SH2D7: variants seen among roughly 807,000 people sequenced by gnomAD.
SH2D7 encodes SH2 domain-containing protein 7.
SH2D7 carries 32 observed loss-of-function variants against 40.8 expected under a neutral mutation model. The observed-to-expected ratio is 0.78, with a 90% CI of 0.59 to 1.05. The LOEUF (loss-of-function observed/expected upper bound fraction) is 1.05. Among genes scored for constraint, SH2D7 ranks in the 50% least tolerant of loss-of-function variants. The pLI, the probability that SH2D7 is intolerant of heterozygous loss-of-function variation, is 0.00. For synonymous variants in SH2D7, 195 were observed against 221.5 expected (o/e 0.88, Z 1.06); for missense variants, 559 against 566.6 (o/e 0.99, Z 0.14).
At chr15:78,096,497 AATTTT>A (rs1218470963) in intron 2 of SH2D7, among the ~76,000 whole-genome samples, 3 of 151,936 alleles carry the variant, frequency 2.0e-5, no homozygotes, top group East Asian at 1.9e-4. Flanking sequence ...ACATTGCAAT[AATTTT>A]ATTTTATTTT....
At chr15:78,095,233 G>A (rs1184514086) in intron 2 of SH2D7, among the ~76,000 whole-genome samples, 1 of 152,194 alleles carries the variant, frequency 6.6e-6, no homozygotes, top group African/African-American at 2.4e-5. Flanking sequence ...ATGTAGTAAG[G>A]ACTTTAAATA....
rs2073992228 is a variant in SH2D7, at chr15:78,098,692, C to G, written c.645+96C>G. 4 of 1,395,624 alleles carry G rather than the reference C, an allele frequency of 2.9e-6. No individual in the cohort carries two copies. In the African/African-American group the frequency reaches 4.3e-5, roughly 15 times the overall value. 86.5% of individuals were successfully genotyped at this position (1,395,624 alleles called of 1,614,324 possible). ...AGACCCTGAGGCCAGGCCAGCCACT[C>G]CCTCCGGCTGTGGAGGGTGAGCCAG... On this transcript the variant is annotated intron_variant, in intron 4 of 5. Transcript: ENST00000328828.
chr15:78,095,881 C>T (rs1164563074), intron 2 of SH2D7, among the ~76,000 whole-genome samples: 1 of 151,886 alleles, frequency 6.6e-6, no homozygotes, highest in Non-Finnish European at 1.5e-5. Context: ...CTCGCTCTCT[C>T]GCTCTGGCTG....
rs540569731 is a variant in SH2D7 at position 78,100,496 on chromosome 15, G to A, written c.646-403G>A. Among the ~76,000 whole-genome samples the A allele has an allele frequency of 5.3e-5, 8 of 152,252 alleles. No homozygotes were observed. In the East Asian group the frequency reaches 9.7e-4, roughly 18 times the overall value. On this transcript the variant is annotated intron_variant, in intron 4 of 5. Transcript: ENST00000328828. ...GTGGATCACCTGAGGTCAGGAGTTC[G>A]AGACCAGCCTGGCCAACTTGGGGAA...
At chr15:78,096,004 A>G (rs2073970050) in intron 2 of SH2D7, among the ~76,000 whole-genome samples, 1 of 152,000 alleles carries the variant, frequency 6.6e-6, no homozygotes, top group Non-Finnish European at 1.5e-5. Flanking sequence ...CACCACACCC[A>G]GCTAATTTTT....
upstream of SH2D7, chr15:78,092,502 C>A (rs1018473272): frequency 2.1e-6 from 3 of 1,440,026 alleles, no homozygotes; most frequent in Non-Finnish European, 1.8e-6. Flanking sequence ...AGGGCACGGG[C>A]TCAGGCAAAT....
intron 4 of SH2D7, among the ~76,000 whole-genome samples, chr15:78,099,179 T>C (rs1043642148): frequency 3.3e-5 from 5 of 151,642 alleles, no homozygotes; most frequent in African/African-American, 1.2e-4. Context: ...ACCACACCCG[T>C]CTAATTTTTG....
intron 1 of SH2D7, 143 bp downstream of exon 1, chr15:78,092,903 A>G: frequency 1.8e-6 from 2 of 1,110,104 alleles, no homozygotes; most frequent in Non-Finnish European, 2.5e-6. Context: ...GCAGGGGAAC[A>G]GACTGAGGAG....
Position 78,100,930 on chromosome 15 carries a change from A to T in SH2D7, c.677A>T (p.Lys226Met), listed in dbSNP as rs1287991154. The change falls in exon 5 of 6, where the codon AAG (lysine) becomes ATG (methionine). Residue 226 changes from lysine to methionine, a missense_variant. By Grantham distance (95) the Lys-to-Met change is moderately conservative. Coordinates refer to ENST00000328828, the MANE Select transcript of SH2D7 (RefSeq NM_001101404.2). ...ATCAGAGTGTCTCCACTCCCTGAGA[A>T]GAGTTCCTCCCTCCTGGAAGAGTCT... ...APIRVSPLPE[K>M]SSSLLEESFG... 4 of 1,613,702 alleles carry T rather than the reference A, an allele frequency of 2.5e-6. No homozygotes were observed. The highest frequency in any genetic ancestry group is 3.4e-6 in the Non-Finnish European group (4 of 1,179,884).
At chr15:78,094,999 G>C (rs1337561384) in intron 2 of SH2D7, among the ~76,000 whole-genome samples, 1 of 152,184 alleles carries the variant, frequency 6.6e-6, no homozygotes. Flanking sequence ...AGGGAGGGAG[G>C]CCAGGGCTCC....
intron 5 of SH2D7, 76 bp from the exon 6 acceptor site, chr15:78,103,389 G>A (rs1177334428): frequency 6.6e-7 from 1 of 1,524,728 alleles, no homozygotes; most frequent in Non-Finnish European, 8.9e-7. Flanking sequence ...CAAGGTCAAT[G>A]AGGGGTCCTC....
At chr15:78,103,080 T>C (rs1450101126) in intron 5 of SH2D7, among the ~76,000 whole-genome samples, 5 of 152,042 alleles carry the variant, frequency 3.3e-5, no homozygotes, top group African/African-American at 9.7e-5. Flanking sequence ...GGCTGCCCCA[T>C]GTCCTCTCCC....
rs748563057 is a variant in SH2D7 at position 78,097,976 on chromosome 15, G to A, written c.314G>A (p.Arg105Gln). 19 of 1,611,064 alleles carry A rather than the reference G, an allele frequency of 1.2e-5. No individual in the cohort carries two copies. Among genetic ancestry groups the A allele is most frequent in the South Asian group, 4.4e-5 (4 of 90,622 alleles). The part of the protein sequence containing the change: ...RHFVINQLRN[R>Q]RYIISGDTQS... ...TTTGTCATCAACCAGCTTCGAAACC[G>A]GCGTTACATCATCTCAGGAGACACC... Residue 105 changes from arginine to glutamine, a missense_variant, in exon 3 of 6, where the codon CGG (arginine) becomes CAG (glutamine). Coordinates refer to ENST00000328828, the MANE Select transcript of SH2D7 (RefSeq NM_001101404.2).
At chr15:78,098,701 T>A in intron 4 of SH2D7, 105 bp downstream of exon 4, 1 of 1,324,888 alleles carries the variant, frequency 7.5e-7, no homozygotes, top group Non-Finnish European at 1.0e-6. Context: ...TCCCTCCGGC[T>A]GTGGAGGGTG....
chr15:78,101,658 G>A lies in SH2D7; in HGVS notation c.1305+100G>A, dbSNP rs542339440. The A allele has an allele frequency of 1.6e-4, 214 of 1,333,524 alleles. 1 individual carries two copies. The highest frequency in any genetic ancestry group is 8.8e-4 in the African/African-American group (60 of 68,042). 82.6% of individuals were successfully genotyped at this position (1,333,524 alleles called of 1,614,324 possible). On this transcript the variant is annotated intron_variant, in intron 5 of 5. Transcript: ENST00000328828. ...CCAGGCATAGGCAGGTCAGGTCACC[G>A]CCACTGCCTGGAAGTACACAGAATT...
At chr15:78,103,030 G>A (rs1202153717) in intron 5 of SH2D7, among the ~76,000 whole-genome samples, 1 of 152,014 alleles carries the variant, frequency 6.6e-6, no homozygotes, top group Non-Finnish European at 1.5e-5. Context: ...TGGCAGTGGA[G>A]ACCCTCAGAA....
At chr15:78,094,816 T>C (rs2073960745) in intron 2 of SH2D7, among the ~76,000 whole-genome samples, 1 of 152,120 alleles carries the variant, frequency 6.6e-6, no homozygotes, top group East Asian at 1.9e-4. Context: ...TGGGGACTCC[T>C]GCAATTGCCT....
Position 78,098,018 on chromosome 15 carries a change from T to G in SH2D7, c.356T>G (p.Leu119Arg), listed in dbSNP as rs1567043883. Residue 119 changes from leucine (L) to arginine (R), a missense_variant, in exon 3 of 6, where the codon CTG becomes CGG. Physicochemically the swap from Leu to Arg is moderately radical, Grantham distance 102. Coordinates refer to ENST00000328828, the MANE Select transcript of SH2D7 (RefSeq NM_001101404.2). ...GGAGACACCCAGAGCCACAGCACCC[T>G]GGCTGAGCTTGTGCACCATTACCAG... The part of the protein sequence containing the change: ...ISGDTQSHST[L>R]AELVHHYQEA... 6.2e-7 allele frequency: 1 copy of G among 1,614,004 alleles called. No homozygotes were observed. The highest frequency in any genetic ancestry group is 1.7e-5 in the Admixed American group (1 of 60,018).
At chr15:78,090,921 A>G (rs538246007), upstream of SH2D7, among the ~76,000 whole-genome samples, 2 of 152,058 alleles carry the variant, frequency 1.3e-5, no homozygotes, top group Non-Finnish European at 2.9e-5. Context: ...CAACTCACTC[A>G]ATCCACACTC....
Sources: gnomAD v4.1 joint callset for allele counts (sites outside exome capture counted in the v4.1 genomes callset) on GRCh38, gnomAD v4.1.1 for gene constraint, MANE v1.5 for transcripts, NCBI Gene and HGNC (gene_info 2026-07-23, HGNC 2026-07-21) for gene names.